Variants in L1CAM observed in about 807,000 individuals in gnomAD.
L1CAM encodes the protein L1 cell adhesion molecule.
L1CAM carries 8 observed loss-of-function variants against 93.0 expected under a neutral mutation model. The ratio of observed to expected loss-of-function variants is 0.09; its 90% CI spans 0.05 to 0.16. The LOEUF is 0.16. L1CAM is among the 10% of genes least tolerant of loss of function. The probability of loss-of-function intolerance (pLI) is 1.00; values close to 1 mark genes in which losing one functional copy is unlikely to be tolerated. For synonymous variants in L1CAM, 453 were observed against 453.0 expected (o/e 1.00, Z 0.00); for missense variants, 777 against 1,073.4 (o/e 0.72, Z 3.86).
chrX:153,862,502 G>A lies in L1CAM; in HGVS notation c.*161C>T, dbSNP rs2064671319. The A allele has an allele frequency of 2.3e-6, 1 of 443,913 alleles. No individual in the cohort carries two copies. The highest frequency in any genetic ancestry group is 3.9e-5 in the South Asian group (1 of 25,866). 36.6% of individuals were successfully genotyped at this position (443,913 alleles called of 1,213,427 possible). A position where few individuals can be genotyped will look rare whatever the true frequency, so the allele number is the denominator to read the frequency against. On this transcript the variant is annotated 3_prime_UTR_variant, in exon 29 of 29. Coordinates refer to ENST00000370060, the MANE Select transcript of L1CAM (RefSeq NM_001278116.2). ...GAGCAGCGTGTGCCCAGGAAGGGGT[G>A]CAGCTGGGTTTTGGCAATAAAGTGG... is the stretch of plus-strand genomic sequence containing the variant.
At chrX:153,865,543 C>G in intron 20 of L1CAM, 43 bp from the exon 21 acceptor site, 10 of 1,138,198 alleles carry the variant, frequency 8.8e-6, no homozygotes, top group Non-Finnish European at 1.2e-5. Context: ...AGAAGGCACC[C>G]AGCAGGGCCC....
intron 10 of L1CAM, 34 bp downstream of exon 10, chrX:153,869,769 C>A (rs2064750494): frequency 8.3e-7 from 1 of 1,207,954 alleles, no homozygotes; most frequent in African/African-American, 1.7e-5. Context: ...CAGGGCTCGC[C>A]ACACTCCCCA....
chrX:153,870,320 G>A (rs2064756603), intron 8 of L1CAM, 68 bp downstream of exon 8: 1 of 1,176,291 alleles, frequency 8.5e-7, no homozygotes, highest in South Asian at 1.8e-5. Context: ...CCCCGCGGTG[G>A]TCTGAGCTCC....
chrX:153,861,904 T>A lies in L1CAM; in HGVS notation c.*759A>T. On this transcript the variant is annotated 3_prime_UTR_variant, in exon 29 of 29. Transcript: ENST00000370060. ...TAGGGAGGGCAGGGCTGCTAAGGGG[T>A]CCTGGGGGGTGGGGGCGGCTGGAAG... The A allele has an allele frequency of 1.0e-5, 1 of 96,523 alleles. No homozygotes were observed. Among genetic ancestry groups the A allele is most frequent in the African/African-American group, 3.9e-5 (1 of 25,616 alleles). 8.0% of individuals were successfully genotyped at this position (96,523 alleles called of 1,213,427 possible).
chrX:153,885,262 CCCCTACCTGATGGA>C (rs1162254649), intron 1 of L1CAM: 26 of 479,667 alleles, frequency 5.4e-5, no homozygotes, highest in Middle Eastern at 4.1e-4. Flanking sequence ...CCTTCCCTCA[CCCCTACCTGATGGA>C]CCCTACCTGA....
rs188562619 is a variant in L1CAM at position 153,883,440 on chromosome X, G to C, written c.-109+2625C>G. Reference sequence around the variant, plus strand: ...TGGGAGGCTGCAGAGGAGAGAGCAGGGGGGCGGGGGAAGCAGGAGAAGGAG... The same window carrying C: ...TGGGAGGCTGCAGAGGAGAGAGCAGCGGGGCGGGGGAAGCAGGAGAAGGAG... On this transcript the variant is annotated intron_variant, in intron 1 of 28. Transcript: ENST00000370060. 1.7e-3 allele frequency among the ~76,000 whole-genome samples: 182 copies of C among 110,173 alleles called. 2 individuals are homozygous for C. The highest frequency in any genetic ancestry group is 4.6e-3 in the African/African-American group (140 of 30,246).
chrX:153,875,707 A>G, intron 2 of L1CAM, 54 bp downstream of exon 2: 1 of 1,042,331 alleles, frequency 9.6e-7, no homozygotes, highest in Non-Finnish European at 1.3e-6. Flanking sequence ...GAAGATAAAG[A>G]GGGGCCCAAC....
At position 153,868,012 on chromosome X, in the gene L1CAM, T is replaced by C; in HGVS notation, c.1814A>G (p.Gln605Arg). The change falls in exon 15 of 29, where the codon CAG (glutamine) becomes CGG (arginine). Residue 605 changes from glutamine to arginine, a missense_variant. Physicochemically the swap from Gln to Arg is conservative, Grantham distance 43. This residue lies in a region of L1CAM where 574 missense variants were observed against 781.0 expected (regional missense o/e 0.73). Transcript: ENST00000370060. Reference sequence around the variant, plus strand: ...CTAGGACTTACCCACCACCAAGAGCTGTGCCCTACTCTCCACCACATCCAG... The same window carrying C: ...CTAGGACTTACCCACCACCAAGAGCCGTGCCCTACTCTCCACCACATCCAG... The part of the protein sequence containing the change: ...TELDVVESRA[Q>R]LLVVGSPGPV... 1 of 1,209,962 alleles carries C rather than the reference T, an allele frequency of 8.3e-7. No individual in the cohort carries two copies. Among genetic ancestry groups the C allele is most frequent in the Non-Finnish European group, 1.1e-6 (1 of 894,880 alleles).
chrX:153,862,973 C>T lies in L1CAM; in HGVS notation c.3543-79G>A, dbSNP rs2064677317. 6 of 779,472 alleles carry T rather than the reference C, an allele frequency of 7.7e-6. No individual in the cohort carries two copies. The East Asian group carries it at 2.1e-4, about 27-fold the overall frequency. The allele number at this position is 779,472 out of a possible 1,213,427, so 64.2% of individuals were successfully genotyped here. A position where few individuals can be genotyped will look rare whatever the true frequency, so the allele number is the denominator to read the frequency against. ...GCCTGGCTGGGGGTGAGGCAGACGC[C>T]CGCCTGCCTTCCATTTGTTTAGAAT... is the stretch of plus-strand genomic sequence containing the variant. On this transcript the variant is annotated intron_variant, in intron 28 of 28. Coordinates refer to ENST00000370060, the MANE Select transcript of L1CAM (RefSeq NM_001278116.2).
intron 5 of L1CAM, among the ~76,000 whole-genome samples, chrX:153,871,673 A>G (rs1488695993): frequency 9.0e-6 from 1 of 111,287 alleles, no homozygotes; most frequent in African/African-American, 3.3e-5. Context: ...CCCCAGGGAA[A>G]AGGCGACACA....
At chrX:153,885,869 TC>T (rs2064877563) in intron 1 of L1CAM, 195 bp downstream of exon 1, 4 of 694,632 alleles carry the variant, frequency 5.8e-6, no homozygotes, top group Non-Finnish European at 7.2e-6. Flanking sequence ...CCGGCATCCC[TC>T]CCCCGCCCCG....
Position 153,863,508 on chromosome X carries a change from G to T in L1CAM, c.3499C>A (p.Pro1167Thr). Reference sequence around the variant, plus strand: ...TCGCCGAAGGTCTCATCTTTCATCGGTCGGGCCTCAGAGTCCACCTGGGTG... The same window carrying T: ...TCGCCGAAGGTCTCATCTTTCATCGTTCGGGCCTCAGAGTCCACCTGGGTG... Reference protein sequence around the residue: ...EDTQVDSEARPMKDETFGEYR... With the variant: ...EDTQVDSEARTMKDETFGEYR... Residue 1167 changes from proline (P) to threonine (T), a missense_variant, in exon 27 of 29, where the codon CCG (proline) becomes ACG (threonine). Pro to Thr is a conservative substitution (Grantham distance 38). Around this residue, in one of 5 missense-constraint regions of L1CAM, gnomAD observed 110 missense variants for 141.7 expected, o/e 0.78. Transcript: ENST00000370060. The T allele has an allele frequency of 8.3e-7, 1 of 1,211,423 alleles. No homozygotes were observed. The highest frequency in any genetic ancestry group is 1.1e-6 in the Non-Finnish European group (1 of 895,260).
At chrX:153,880,950 C>T (rs782433383) in intron 1 of L1CAM, among the ~76,000 whole-genome samples, 1 of 112,086 alleles carries the variant, frequency 8.9e-6, no homozygotes, top group East Asian at 2.8e-4. Context: ...CTACAACTCA[C>T]CTGTAATGGA....
chrX:153,885,669 G>T, intron 1 of L1CAM: 1 of 294,820 alleles, frequency 3.4e-6, no homozygotes, highest in Non-Finnish European at 5.7e-6. Context: ...CACACCCCAC[G>T]GCGGCCTGTG....
chrX:153,862,432 A>G lies in L1CAM; in HGVS notation c.*231T>C. 5.4e-6 allele frequency: 2 copies of G among 370,398 alleles called. No individual in the cohort carries two copies. Among genetic ancestry groups the G allele is most frequent in the Non-Finnish European group, 9.4e-6 (2 of 213,624 alleles). 30.5% of individuals were successfully genotyped at this position (370,398 alleles called of 1,213,427 possible). ...TGCCCAAATGGGCTGGCAAAACAGC[A>G]CCCAAAGGCCCCTGGCATGTGGGAG... On this transcript the variant is annotated 3_prime_UTR_variant, in exon 29 of 29. Coordinates refer to ENST00000370060, the MANE Select transcript of L1CAM (RefSeq NM_001278116.2).
chrX:153,876,823 G>A (rs1416134708), intron 1 of L1CAM, among the ~76,000 whole-genome samples: 8 of 109,899 alleles, frequency 7.3e-5, no homozygotes, highest in South Asian at 3.9e-4. Flanking sequence ...GCGGAACCCC[G>A]TCTCTACTAA....
chrX:153,864,275 G>A (rs2148493130), intron 25 of L1CAM, 47 bp downstream of exon 25: 1 of 1,187,423 alleles, frequency 8.4e-7, no homozygotes, highest in Non-Finnish European at 1.1e-6. Context: ...GAATTGTGCA[G>A]CCCCCATGCT....
intron 25 of L1CAM, 150 bp downstream of exon 25, chrX:153,864,172 G>A: frequency 9.9e-7 from 1 of 1,006,811 alleles, no homozygotes; most frequent in Non-Finnish European, 1.4e-6. Flanking sequence ...AAAGGGGGCT[G>A]ATTCGGGGAC....
intron 1 of L1CAM, among the ~76,000 whole-genome samples, chrX:153,882,595 G>A (rs2064851174): frequency 1.8e-5 from 2 of 109,538 alleles, no homozygotes; most frequent in Admixed American, 9.7e-5. Context: ...TGCCTGGCTG[G>A]AGGGCAGGGG....
Sources: allele counts gnomAD v4.1 joint callset (sites outside exome capture counted in the v4.1 genomes callset), GRCh38; gene constraint gnomAD v4.1.1; regional missense constraint gnomAD v4.1.1; transcripts MANE v1.5; gene names NCBI Gene and HGNC (gene_info 2026-07-23, HGNC 2026-07-21).